The following PRAMEF15 variants were observed in gnomAD, a reference collection of about 807,000 sequenced individuals.
PRAMEF15 encodes the protein PRAME family member 15, also known as PRAME family member 9/15.
In PRAMEF15, 21 loss-of-function variants were observed where a neutral mutation model predicts 35.3. The observed-to-expected ratio is 0.59, with a 90% confidence interval of 0.42 to 0.86. The LOEUF is 0.86. Among genes scored for constraint, PRAMEF15 ranks in the 40% least tolerant of loss-of-function variants. The probability of loss-of-function intolerance (pLI) is 0.00; values close to 1 mark genes in which losing one functional copy is unlikely to be tolerated. For missense variants in PRAMEF15, 360 were observed against 574.1 expected, an observed-to-expected ratio of 0.63 and a Z score of 3.81; for synonymous variants, 122 against 223.3, an observed-to-expected ratio of 0.55 and a Z score of 4.05.
intron 1 of PRAMEF15, among the ~76,000 whole-genome samples, chr1:13,318,039 C>CT (rs1640029521): frequency 6.6e-6 from 1 of 152,048 alleles, no homozygotes; most frequent in Admixed American, 6.6e-5. Flanking sequence ...GGCATGTAGG[C>CT]TTGTGACACT....
At chr1:13,316,458 C>A (rs1640005308) in intron 1 of PRAMEF15, among the ~76,000 whole-genome samples, 1 of 151,534 alleles carries the variant, frequency 6.6e-6, no homozygotes, top group African/African-American at 2.4e-5. Context: ...CAAAAAGGAT[C>A]TTTGACCGTA....
chr1:13,322,139 G>A lies in PRAMEF15; in HGVS notation c.1312G>A (p.Ala438Thr), dbSNP rs1252937901. 39 of 1,609,358 alleles carry A rather than the reference G, an allele frequency of 2.4e-5. No homozygotes were observed. Among genetic ancestry groups the A allele is most frequent in the Non-Finnish European group, 3.1e-5 (37 of 1,179,202 alleles). The change falls in exon 4 of 4, where the codon GCT (alanine) becomes ACT (threonine). Residue 438 changes from alanine (A) to threonine (T), a missense_variant. Around this residue, in one of 8 missense-constraint regions of PRAMEF15, gnomAD observed 147 missense variants for 123.5 expected, o/e 1.19. Transcript: ENST00000376152. Reference protein sequence around the residue: ...LCWSRFAQIRAELMNRVRDLR... With the variant: ...LCWSRFAQIRTELMNRVRDLR... ...CTGGAGCAGATTTGCTCAAATTAGG[G>A]CTGAGCTGATGAACAGAGTGAGGGA...
chr1:13,321,708 T>G lies in PRAMEF15; in HGVS notation c.881T>G (p.Leu294Arg). 6.2e-7 allele frequency: 1 copy of G among 1,607,862 alleles called. No homozygotes were observed. Residue 294 changes from leucine to arginine, a missense_variant, in exon 4 of 4, where the codon CTG becomes CGG. Physicochemically the swap from Leu to Arg is moderately radical, Grantham distance 102. Transcript: ENST00000376152. The stretch of plus-strand genomic sequence containing the variant: ...TTCTTGCTCTCTCTCCCCAGCTGTC[T>G]GAAGACCTCGTTAAAAGTCCTCACA... The part of the protein sequence containing the change: ...EGHLDQLLSC[L>R]KTSLKVLTIT...
chr1:13,318,104 G>C (rs1640030267), intron 1 of PRAMEF15, among the ~76,000 whole-genome samples: 3 of 151,980 alleles, frequency 2.0e-5, no homozygotes, highest in Non-Finnish European at 2.9e-5. Flanking sequence ...CCAATGGTAG[G>C]AGGGGTTCAC....
At chr1:13,317,634 G>T (rs1477739632) in intron 1 of PRAMEF15, among the ~76,000 whole-genome samples, 3 of 151,804 alleles carry the variant, frequency 2.0e-5, no homozygotes, top group Non-Finnish European at 4.4e-5. Flanking sequence ...AAGATGAGCT[G>T]GGTGTGGTGA....
chr1:13,320,463 G>C (rs1305376107), intron 3 of PRAMEF15, among the ~76,000 whole-genome samples: 1 of 151,868 alleles, frequency 6.6e-6, no homozygotes, highest in African/African-American at 2.4e-5. Context: ...CACTTTGATC[G>C]TCCAGGCTAC....
intron 1 of PRAMEF15, among the ~76,000 whole-genome samples, chr1:13,318,075 G>C (rs1640029850): frequency 6.7e-6 from 1 of 149,174 alleles, no homozygotes; most frequent in Admixed American, 6.7e-5. Flanking sequence ...TTAGATCCTT[G>C]AGTAATTAGT....
At chr1:13,320,430 T>A (rs1288959425) in intron 3 of PRAMEF15, among the ~76,000 whole-genome samples, 1 of 137,508 alleles carries the variant, frequency 7.3e-6, no homozygotes, top group South Asian at 2.4e-4. Flanking sequence ...ACAAGATAAC[T>A]TTTTTTTTCT....
At chr1:13,320,301 G>A (rs1397914030) in intron 3 of PRAMEF15, among the ~76,000 whole-genome samples, 1 of 152,090 alleles carries the variant, frequency 6.6e-6, no homozygotes, top group African/African-American at 2.4e-5. Context: ...GCTCATGCCT[G>A]TAATCCTATC....
intron 1 of PRAMEF15, among the ~76,000 whole-genome samples, chr1:13,317,708 C>T (rs1282962623): frequency 2.6e-5 from 4 of 151,464 alleles, no homozygotes; most frequent in Non-Finnish European, 5.9e-5. Flanking sequence ...GCTGGGAGGT[C>T]AAGGCTGCAC....
intron 2 of PRAMEF15, among the ~76,000 whole-genome samples, chr1:13,319,098 G>A (rs1316985555): frequency 4.0e-5 from 6 of 151,686 alleles, no homozygotes; most frequent in Non-Finnish European, 7.4e-5. Flanking sequence ...TGAGGTTGAG[G>A]CAGGAGAATC....
intron 2 of PRAMEF15, among the ~76,000 whole-genome samples, chr1:13,319,128 A>T (rs924977199): frequency 2.0e-5 from 3 of 150,284 alleles, no homozygotes; most frequent in African/African-American, 4.9e-5. Context: ...CGGGAAGCAG[A>T]GGTTGCAGTG....
chr1:13,317,383 T>G (rs1640019522), intron 1 of PRAMEF15, among the ~76,000 whole-genome samples: 1 of 151,742 alleles, frequency 6.6e-6, no homozygotes, highest in African/African-American at 2.4e-5. Flanking sequence ...ATGGTTCAGT[T>G]TGAACATGTG....
Position 13,322,163 on chromosome 1 carries a change from G to A in PRAMEF15, c.1336G>A (p.Asp446Asn). Residue 446 changes from aspartate (D) to asparagine (N), a missense_variant, in exon 4 of 4, where the codon GAC (aspartate) becomes AAC (asparagine). This residue lies in a region of PRAMEF15 where 147 missense variants were observed against 123.5 expected (regional missense o/e 1.19). Coordinates refer to ENST00000376152, the MANE Select transcript of PRAMEF15 (RefSeq NM_001098376.3). ...IRAELMNRVR[D>N]LRHPKRILFC... The stretch of plus-strand genomic sequence containing the variant: ...GGCTGAGCTGATGAACAGAGTGAGG[G>A]ACTTAAGGCACCCCAAGAGGATCTT... 15 of 1,609,218 alleles carry A rather than the reference G, an allele frequency of 9.3e-6. No homozygotes were observed. The highest frequency in any genetic ancestry group is 1.3e-5 in the Non-Finnish European group (15 of 1,179,234).
chr1:13,318,987 G>T (rs1330141684), intron 2 of PRAMEF15, among the ~76,000 whole-genome samples: 1 of 151,960 alleles, frequency 6.6e-6, no homozygotes, highest in African/African-American at 2.4e-5. Context: ...CTGAGGTCAA[G>T]AGTTGGAGGC....
At chr1:13,316,696 T>A (rs879022188) in intron 1 of PRAMEF15, among the ~76,000 whole-genome samples, 8,639 of 151,342 alleles carry the variant, frequency 0.057, 393 homozygotes, top group East Asian at 0.26. Context: ...TGATCATGGG[T>A]TACATGAAGA....
At position 13,317,967 on chromosome 1, in the gene PRAMEF15, C is replaced by A. The variant is rs1419090462; in HGVS notation, c.-16-425C>A. 3.6e-4 allele frequency among the ~76,000 whole-genome samples: 54 copies of A among 152,064 alleles called. 1 individual carries two copies. The highest frequency in any genetic ancestry group is 3.2e-3 in the Admixed American group (49 of 15,250). On this transcript the variant is annotated intron_variant, in intron 1 of 3. Coordinates refer to ENST00000376152, the MANE Select transcript of PRAMEF15 (RefSeq NM_001098376.3). ...AATAATGAAAAGAAAACAAATAGAA[C>A]CTGTTCTAGGGATGCCCCATGAATG...
chr1:13,318,272 G>A (rs1235372707), intron 1 of PRAMEF15, 120 bp from the exon 2 acceptor site: 3 of 1,545,210 alleles, frequency 1.9e-6, no homozygotes, highest in Non-Finnish European at 2.6e-6. Context: ...GAGTAGAATT[G>A]GAGTAAACTG....
Position 13,319,603 on chromosome 1 carries a change from G to A in PRAMEF15, c.525G>A (p.Gln175=). The A allele has an allele frequency of 6.2e-7, 1 of 1,613,272 alleles. No homozygotes were observed. Among genetic ancestry groups the A allele is most frequent in the Non-Finnish European group, 8.5e-7 (1 of 1,179,604 alleles). The change falls in exon 3 of 4, where the codon CAG becomes CAA. Residue 175 remains glutamine, a synonymous_variant. Transcript: ENST00000376152. The part of the protein sequence containing the change: ...YLTYLLLWVK[Q]RKDLLHLCCK... ...CCTACCTCCTTCTATGGGTCAAGCAGAGGAAAGATTTACTACACCTGTGCT... is the reference window on the plus strand; with the variant it reads ...CCTACCTCCTTCTATGGGTCAAGCAAAGGAAAGATTTACTACACCTGTGCT...
Sources: gnomAD v4.1 joint callset for allele counts (sites outside exome capture counted in the v4.1 genomes callset) on GRCh38, gnomAD v4.1.1 for gene constraint, gnomAD v4.1.1 regional missense constraint, MANE v1.5 for transcripts, NCBI Gene and HGNC (gene_info 2026-07-23, HGNC 2026-07-21) for gene names.